Variants in PTPRN2 observed in about 807,000 individuals in gnomAD.
PTPRN2 encodes the protein protein tyrosine phosphatase receptor type N2.
A neutral mutation model predicts 118.8 loss-of-function variants in PTPRN2; 74 were observed. That is an observed-to-expected ratio of 0.62 (90% CI 0.52 to 0.76). The LOEUF is 0.76. Ranked by LOEUF, PTPRN2 falls within the 30% of genes least tolerant of loss-of-function variation. The pLI is 0.00. For synonymous variants in PTPRN2, 641 were observed against 608.0 expected (o/e 1.05, Z -0.80); for missense variants, 1,481 against 1,394.4 (o/e 1.06, Z -0.99).
intron 6 of PTPRN2, among the ~76,000 whole-genome samples, chr7:158,149,334 C>A (rs970427833): frequency 1.3e-5 from 2 of 152,040 alleles, no homozygotes; most frequent in African/African-American, 4.8e-5. Flanking sequence ...ATATTTAACC[C>A]CTGGAAATTA....
chr7:158,278,579 T>C (rs1303217647), intron 3 of PTPRN2, among the ~76,000 whole-genome samples: 1 of 152,246 alleles, frequency 6.6e-6, no homozygotes, highest in East Asian at 1.9e-4. Flanking sequence ...AACCCACAAC[T>C]TCCTGATGTA....
intron 9 of PTPRN2, among the ~76,000 whole-genome samples, chr7:158,112,647 G>A (rs1339521623): frequency 2.0e-5 from 3 of 152,248 alleles, no homozygotes; most frequent in East Asian, 3.8e-4. Context: ...TCCTGCACAC[G>A]TGGACATGGG....
chr7:158,280,816 C>T (rs1205527947), intron 3 of PTPRN2, among the ~76,000 whole-genome samples: 1 of 152,188 alleles, frequency 6.6e-6, no homozygotes, highest in Non-Finnish European at 1.5e-5. Context: ...GAAGGTCTCC[C>T]GAGACTGAAA....
chr7:157,886,735 C>T (rs1170831864), intron 12 of PTPRN2, among the ~76,000 whole-genome samples: 1 of 108,286 alleles, frequency 9.2e-6, no homozygotes, highest in Admixed American at 1.0e-4. Flanking sequence ...AAGCAGCAAG[C>T]AGGCTGATGG....
chr7:158,224,988 G>A (rs1450097723), intron 3 of PTPRN2, among the ~76,000 whole-genome samples: 2 of 151,992 alleles, frequency 1.3e-5, no homozygotes, highest in African/African-American at 2.4e-5. Context: ...ATCTCATCAG[G>A]GAAATGTCAA....
At chr7:158,085,815 C>T (rs1813347071) in intron 10 of PTPRN2, among the ~76,000 whole-genome samples, 2 of 138,466 alleles carry the variant, frequency 1.4e-5, no homozygotes, top group African/African-American at 5.5e-5. Context: ...TGCCCATCCA[C>T]ACCCACGATG....
intron 3 of PTPRN2, among the ~76,000 whole-genome samples, chr7:158,315,375 G>A (rs200451803): frequency 0.019 from 2,257 of 121,860 alleles, no homozygotes; most frequent in East Asian, 0.046. Flanking sequence ...AGGTGAACCC[G>A]GGACCCCTTG....
At chr7:158,223,908 G>A (rs146514017) in intron 3 of PTPRN2, among the ~76,000 whole-genome samples, 223 of 152,138 alleles carry the variant, frequency 1.5e-3, no homozygotes, top group African/African-American at 5.2e-3. Flanking sequence ...TATCTACACA[G>A]AAAGCCCCAA....
At chr7:158,086,008 T>C (rs752650778) in intron 10 of PTPRN2, among the ~76,000 whole-genome samples, 5 of 152,158 alleles carry the variant, frequency 3.3e-5, no homozygotes, top group Non-Finnish European at 7.3e-5. Context: ...TCAGGCACAT[T>C]GTAACCACGT....
Position 158,133,838 on chromosome 7 carries a change from G to C in PTPRN2, c.1395C>G (p.Pro465=), listed in dbSNP as rs140538499. 369 of 1,613,972 alleles carry C rather than the reference G, an allele frequency of 2.3e-4. 2 individuals are homozygous for C. In the African/African-American group the frequency reaches 4.1e-3, roughly 18 times the overall value. ...GGAGCTCCCCAAACGCAGCGGCCCC[G>C]GGCTCCGAATGCGGCTGCTGCCCCA... is the stretch of plus-strand genomic sequence containing the variant. ...DLLGQQPHSE[P]GAAAFGELQN... The change falls in exon 9 of 23, where the codon CCC becomes CCG. Residue 465 remains proline, a synonymous_variant. Transcript: ENST00000389418.
intron 17 of PTPRN2, among the ~76,000 whole-genome samples, chr7:157,580,651 C>T (rs1800314456): frequency 7.4e-6 from 1 of 135,428 alleles, no homozygotes; most frequent in South Asian, 2.5e-4. Flanking sequence ...CACCTGCACA[C>T]CCGAGCCCCT....
chr7:157,889,966 G>A (rs896342044), intron 12 of PTPRN2, among the ~76,000 whole-genome samples: 1 of 152,190 alleles, frequency 6.6e-6, no homozygotes, highest in African/African-American at 2.4e-5. Flanking sequence ...TGTTTACACA[G>A]CTGCCTTTAA....
intron 3 of PTPRN2, among the ~76,000 whole-genome samples, chr7:158,258,319 G>A (rs978659878): frequency 2.6e-5 from 4 of 152,238 alleles, no homozygotes; most frequent in African/African-American, 9.6e-5. Flanking sequence ...CCTGCCCTGC[G>A]CGACTGGCGT....
intron 12 of PTPRN2, among the ~76,000 whole-genome samples, chr7:157,795,164 G>A (rs1210683829): frequency 6.9e-6 from 1 of 144,726 alleles, no homozygotes; most frequent in Non-Finnish European, 1.5e-5. Context: ...GCGGGGTCGG[G>A]GGCGGGGGGG....
At chr7:158,307,632 A>C (rs1457712665) in intron 3 of PTPRN2, among the ~76,000 whole-genome samples, 1 of 152,234 alleles carries the variant, frequency 6.6e-6, no homozygotes, top group Non-Finnish European at 1.5e-5. Context: ...ACCTAGATAC[A>C]TCAAAATCAG....
rs540075495 is a variant in PTPRN2, at chr7:158,490,141, G to C, written c.113-356C>G. 3.9e-5 allele frequency among the ~76,000 whole-genome samples: 6 copies of C among 152,314 alleles called. No homozygotes were observed. The South Asian group carries it at 8.3e-4, about 21-fold the overall frequency. On this transcript the variant is annotated intron_variant, in intron 1 of 22. Coordinates refer to ENST00000389418, the MANE Select transcript of PTPRN2 (RefSeq NM_002847.5). ...CTCCCCTGGGCCCGGCGCCTCCCCT[G>C]GACCGGGTGCTCACCGCACGCACCG...
intron 1 of PTPRN2, among the ~76,000 whole-genome samples, chr7:158,514,522 G>A (rs1001896591): frequency 2.6e-5 from 4 of 152,158 alleles, no homozygotes; most frequent in African/African-American, 9.7e-5. Context: ...GGGTGTCCCT[G>A]TGAGACACGA....
intron 3 of PTPRN2, among the ~76,000 whole-genome samples, chr7:158,247,896 A>T (rs1036087580): frequency 1.3e-5 from 2 of 152,094 alleles, no homozygotes; most frequent in Non-Finnish European, 2.9e-5. Context: ...GATTACAGGC[A>T]TGATCCACCG....
At chr7:158,488,498 T>C (rs1012829256) in intron 2 of PTPRN2, among the ~76,000 whole-genome samples, 1 of 151,380 alleles carries the variant, frequency 6.6e-6, no homozygotes, top group Non-Finnish European at 1.5e-5. Flanking sequence ...AGCCCCAAAA[T>C]TCCATCCGGA....
Sources: gnomAD v4.1 joint callset for allele counts (sites outside exome capture counted in the v4.1 genomes callset) on GRCh38, gnomAD v4.1.1 for gene constraint, MANE v1.5 for transcripts, NCBI Gene and HGNC (gene_info 2026-07-23, HGNC 2026-07-21) for gene names.